The following CSGALNACT1 variants were observed in gnomAD, a reference collection of about 807,000 sequenced individuals.
CSGALNACT1 encodes beta4GalNAcT-1.
In CSGALNACT1, 52 loss-of-function variants were observed where a neutral mutation model predicts 51.0. The ratio of observed to expected loss-of-function variants is 1.02; its 90% CI spans 0.82 to 1.29. The LOEUF (loss-of-function observed/expected upper bound fraction) is 1.29, where lower values mean the gene tolerates loss of function less well. Ranked by LOEUF, CSGALNACT1 falls within the 50% of genes most tolerant of loss-of-function variation. The pLI, the probability that CSGALNACT1 is intolerant of heterozygous loss-of-function variation, is 0.00. For synonymous variants in CSGALNACT1, 341 were observed against 254.4 expected (o/e 1.34, Z -3.24); for missense variants, 935 against 679.2 (o/e 1.38, Z -4.19).
chr8:19,472,254 C>T (rs1007198396), intron 4 of CSGALNACT1, among the ~76,000 whole-genome samples: 2 of 152,182 alleles, frequency 1.3e-5, no homozygotes, highest in Non-Finnish European at 1.5e-5. Context: ...CAAACACATT[C>T]GAATGTATAT....
intron 4 of CSGALNACT1, among the ~76,000 whole-genome samples, chr8:19,504,253 T>A (rs572700012): frequency 6.6e-5 from 10 of 152,224 alleles, no homozygotes; most frequent in African/African-American, 2.4e-4. Context: ...ATTTTTTGTA[T>A]TTTTAGTAGA....
chr8:19,467,438 T>G (rs1281571559), intron 4 of CSGALNACT1, among the ~76,000 whole-genome samples: 1 of 152,030 alleles, frequency 6.6e-6, no homozygotes, highest in East Asian at 1.9e-4. Flanking sequence ...GCAGTTGACT[T>G]CCTTTTCAGA....
At chr8:19,409,580 A>G (rs1187140102) in intron 8 of CSGALNACT1, among the ~76,000 whole-genome samples, 1 of 152,196 alleles carries the variant, frequency 6.6e-6, no homozygotes, top group Admixed American at 6.5e-5. Flanking sequence ...CTCTGGGAAC[A>G]GTTTTGAGAT....
At chr8:19,442,816 G>A (rs969635139) in intron 5 of CSGALNACT1, among the ~76,000 whole-genome samples, 2 of 152,060 alleles carry the variant, frequency 1.3e-5, no homozygotes, top group Non-Finnish European at 2.9e-5. Flanking sequence ...TCTTATGTGG[G>A]CCAAACACAG....
chr8:19,697,421 T>C (rs546720461), intron 1 of CSGALNACT1, among the ~76,000 whole-genome samples: 9 of 152,236 alleles, frequency 5.9e-5, no homozygotes, highest in South Asian at 2.1e-4. Context: ...AGTACGGGGC[T>C]GTTCAGGGAA....
At chr8:19,672,901 T>C (rs1453005247) in intron 1 of CSGALNACT1, among the ~76,000 whole-genome samples, 3 of 152,354 alleles carry the variant, frequency 2.0e-5, no homozygotes, top group Non-Finnish European at 2.9e-5. Flanking sequence ...TCTGGGTTCA[T>C]GCTACTGAGT....
intron 1 of CSGALNACT1, among the ~76,000 whole-genome samples, chr8:19,750,423 G>A (rs982752270): frequency 7.2e-5 from 11 of 152,164 alleles, no homozygotes; most frequent in Non-Finnish European, 1.3e-4. Context: ...AGGGGGCAGC[G>A]GGGAAGAGGG....
intron 1 of CSGALNACT1, among the ~76,000 whole-genome samples, chr8:19,708,086 G>C (rs1032485726): frequency 6.6e-6 from 1 of 152,338 alleles, no homozygotes; most frequent in African/African-American, 2.4e-5. Flanking sequence ...GCTGAGCAGA[G>C]GAAGGAACAC....
chr8:19,600,650 A>G (rs1471497123), intron 2 of CSGALNACT1, among the ~76,000 whole-genome samples: 3 of 152,098 alleles, frequency 2.0e-5, no homozygotes, highest in Non-Finnish European at 4.4e-5. Flanking sequence ...TTTTGTTTGT[A>G]TTATTAACTT....
intron 3 of CSGALNACT1, among the ~76,000 whole-genome samples, chr8:19,589,493 T>C (rs1178927334): frequency 6.6e-6 from 1 of 152,154 alleles, no homozygotes; most frequent in Non-Finnish European, 1.5e-5. Flanking sequence ...ATCTGGCTAA[T>C]TTTTGTATTT....
At chr8:19,418,995 C>G (rs543817457) in intron 7 of CSGALNACT1, among the ~76,000 whole-genome samples, 2 of 151,964 alleles carry the variant, frequency 1.3e-5, no homozygotes, top group Admixed American at 1.3e-4. Flanking sequence ...TACAGGTGCC[C>G]GCCACCACAC....
At chr8:19,539,932 T>G (rs2084698572) in intron 3 of CSGALNACT1, among the ~76,000 whole-genome samples, 1 of 151,512 alleles carries the variant, frequency 6.6e-6, no homozygotes, top group African/African-American at 2.4e-5. Flanking sequence ...CTGAGAGGAG[T>G]TGGGGTGAGT....
intron 1 of CSGALNACT1, among the ~76,000 whole-genome samples, chr8:19,630,097 C>G (rs752785936): frequency 6.6e-6 from 1 of 152,064 alleles, no homozygotes; most frequent in Non-Finnish European, 1.5e-5. Context: ...CAGGCCAACA[C>G]GGGCCGAATG....
At chr8:19,454,183 T>C (rs565664918) in intron 5 of CSGALNACT1, among the ~76,000 whole-genome samples, 1 of 152,328 alleles carries the variant, frequency 6.6e-6, no homozygotes, top group African/African-American at 2.4e-5. Context: ...AACAAGTATA[T>C]ACTCCATTCT....
intron 3 of CSGALNACT1, among the ~76,000 whole-genome samples, chr8:19,567,491 G>A (rs994276548): frequency 4.6e-5 from 7 of 152,186 alleles, no homozygotes; most frequent in African/African-American, 1.7e-4. Context: ...TTAATCTGAT[G>A]AAGGGTATTT....
intron 1 of CSGALNACT1, among the ~76,000 whole-genome samples, chr8:19,680,305 C>G (rs925426702): frequency 6.6e-6 from 1 of 152,120 alleles, no homozygotes; most frequent in Non-Finnish European, 1.5e-5. Flanking sequence ...TCTGTAATCC[C>G]AGCGCTTTGG....
At chr8:19,489,332 TG>T (rs2073838919) in intron 4 of CSGALNACT1, among the ~76,000 whole-genome samples, 1 of 152,200 alleles carries the variant, frequency 6.6e-6, no homozygotes, top group Non-Finnish European at 1.5e-5. Flanking sequence ...CCAATTATGG[TG>T]ATTATTGTCA....
intron 3 of CSGALNACT1, chr8:19,591,157 C>G (rs989675733): frequency 6.6e-6 from 1 of 152,244 alleles, no homozygotes; most frequent in African/African-American, 2.4e-5. Context: ...GACCTGGACC[C>G]ACCTCCTCAC....
chr8:19,647,794 T>C (rs754862860), intron 1 of CSGALNACT1, among the ~76,000 whole-genome samples: 1 of 152,250 alleles, frequency 6.6e-6, no homozygotes, highest in Non-Finnish European at 1.5e-5. Flanking sequence ...TAGGATATTA[T>C]ATTATCATTT....
Sources: allele counts gnomAD v4.1 joint callset (sites outside exome capture counted in the v4.1 genomes callset), GRCh38; gene constraint gnomAD v4.1.1; transcripts MANE v1.5; gene names NCBI Gene and HGNC (gene_info 2026-07-23, HGNC 2026-07-21).